The following N4BP2L2 variants were observed in gnomAD, a reference collection of about 807,000 sequenced individuals.
N4BP2L2 encodes NEDD4 binding protein 2 like 2.
Under a neutral mutation model 56.2 loss-of-function variants are expected in N4BP2L2, and 50 were observed. The ratio of observed to expected loss-of-function variants is 0.89; its 90% confidence interval spans 0.71 to 1.13. The LOEUF is 1.13. Among genes scored for constraint, N4BP2L2 ranks in the 50% most tolerant of loss-of-function variants. The pLI, the probability that N4BP2L2 is intolerant of heterozygous loss-of-function variation, is 0.00. For missense variants in N4BP2L2, 689 were observed against 693.8 expected (o/e 0.99, Z 0.08); for synonymous variants, 203 against 223.6 (o/e 0.91, Z 0.82).
chr13:32,469,091 C>T (rs1300290977), intron 6 of N4BP2L2, among the ~76,000 whole-genome samples: 1 of 152,226 alleles, frequency 6.6e-6, no homozygotes, highest in Non-Finnish European at 1.5e-5. Context: ...CTACGGTCCC[C>T]CGAGTGTTCT....
At chr13:32,443,699 G>C in exon 7 of N4BP2L2, 2 of 1,601,146 alleles carry the variant, frequency 1.2e-6, no homozygotes, top group Non-Finnish European at 8.5e-7. Flanking sequence ...GAAAGGTTTT[G>C]AGTCAGTATT....
chr13:32,529,883 G>A lies in N4BP2L2; in HGVS notation c.1260-2351C>T, dbSNP rs1047771194. 4.0e-5 allele frequency among the ~76,000 whole-genome samples: 6 copies of A among 151,700 alleles called. No individual in the cohort carries two copies. In the East Asian group the frequency reaches 9.7e-4, roughly 25 times the overall value. On this transcript the variant is annotated intron_variant, in intron 2 of 5. Transcript: ENST00000267068. ...TGTGACTACAGGCACGTGCCATCAC[G>A]CCCGGCTAATTTTTGTATTTTTATT...
intron 2 of N4BP2L2, among the ~76,000 whole-genome samples, chr13:32,533,587 T>A (rs1041221011): frequency 6.9e-6 from 1 of 145,352 alleles, no homozygotes; most frequent in African/African-American, 2.6e-5. Flanking sequence ...AATGGCACGA[T>A]CATGGCTCAC....
At chr13:32,482,690 A>G (rs2085019509) in intron 6 of N4BP2L2, among the ~76,000 whole-genome samples, 1 of 151,996 alleles carries the variant, frequency 6.6e-6, no homozygotes, top group African/African-American at 2.4e-5. Context: ...GTCATATTTC[A>G]TATAGTTTTC....
chr13:32,497,898 T>C (rs1314623074), intron 6 of N4BP2L2, among the ~76,000 whole-genome samples: 1 of 152,224 alleles, frequency 6.6e-6, no homozygotes, highest in Non-Finnish European at 1.5e-5. Flanking sequence ...TTCATACTGA[T>C]GCCAGTCCAT....
chr13:32,471,528 A>C lies in N4BP2L2; in HGVS notation c.366-27402T>G, dbSNP rs1020367061. ...GGCGCACCCGAAGAAAGACAGAGAG[A>C]GAGCCAGAGTTGTCCATCTTGTAGG... On this transcript the variant is annotated intron_variant, in intron 6 of 9. Coordinates refer to the N4BP2L2 transcript ENST00000357505. 3.3e-5 allele frequency among the ~76,000 whole-genome samples: 5 copies of C among 152,244 alleles called. No homozygotes were observed. In the South Asian group the frequency reaches 6.2e-4, roughly 19 times the overall value.
intron 6 of N4BP2L2, among the ~76,000 whole-genome samples, chr13:32,461,989 G>T (rs562059535): frequency 1.3e-5 from 2 of 152,310 alleles, no homozygotes; most frequent in South Asian, 2.1e-4. Context: ...ATACACTGTT[G>T]TTGGGAATGT....
intron 9 of N4BP2L2, among the ~76,000 whole-genome samples, chr13:32,434,144 T>TCAG (rs2138091665): frequency 6.7e-6 from 1 of 149,326 alleles, no homozygotes; most frequent in Non-Finnish European, 1.5e-5. Flanking sequence ...TGGTGCGATC[T>TCAG]CAGCTCACTG....
intron 6 of N4BP2L2, among the ~76,000 whole-genome samples, chr13:32,474,403 T>G (rs1331553895): frequency 1.3e-5 from 2 of 152,008 alleles, no homozygotes; most frequent in Non-Finnish European, 1.5e-5. Flanking sequence ...AGAAATGTAC[T>G]TAGCGGCCTA....
At chr13:32,472,507 AG>A (rs2082506262) in intron 6 of N4BP2L2, among the ~76,000 whole-genome samples, 1 of 152,220 alleles carries the variant, frequency 6.6e-6, no homozygotes, top group Non-Finnish European at 1.5e-5. Context: ...CAGCTGACCA[AG>A]GAAGGCACGT....
At chr13:32,521,205 G>A (rs181495306) in intron 5 of N4BP2L2, among the ~76,000 whole-genome samples, 168 bp downstream of exon 5, 3 of 152,060 alleles carry the variant, frequency 2.0e-5, no homozygotes, top group Non-Finnish European at 2.9e-5. Flanking sequence ...GAAGGCAGAA[G>A]GACAATGCAG....
At chr13:32,479,842 G>A (rs2084212842) in intron 6 of N4BP2L2, among the ~76,000 whole-genome samples, 1 of 151,926 alleles carries the variant, frequency 6.6e-6, no homozygotes, top group African/African-American at 2.4e-5. Context: ...AAGATCAACA[G>A]ACATATAACT....
intron 7 of N4BP2L2, among the ~76,000 whole-genome samples, chr13:32,441,999 C>G: frequency 6.6e-6 from 1 of 152,150 alleles, no homozygotes; most frequent in East Asian, 1.9e-4. Flanking sequence ...TGGCGTGAAC[C>G]CGGGAGGCGG....
chr13:32,488,286 C>T (rs759113364), intron 6 of N4BP2L2, among the ~76,000 whole-genome samples: 10 of 152,110 alleles, frequency 6.6e-5, no homozygotes, highest in Non-Finnish European at 1.3e-4. Flanking sequence ...AGGCCATAAT[C>T]CTAAACAAAT....
intron 6 of N4BP2L2, among the ~76,000 whole-genome samples, chr13:32,490,650 T>C (rs879821979): frequency 2.0e-5 from 3 of 152,148 alleles, no homozygotes; most frequent in African/African-American, 2.4e-5. Flanking sequence ...ACACAAGCAG[T>C]CCCCAACCTT....
At chr13:32,537,180 CTTA>C (rs576575656) in intron 1 of N4BP2L2, among the ~76,000 whole-genome samples, 153 bp from the exon 2 acceptor site, 84 of 151,934 alleles carry the variant, frequency 5.5e-4, no homozygotes, top group Non-Finnish European at 1.1e-3. Flanking sequence ...TTCATAACCA[CTTA>C]TTATTTAAGT....
chr13:32,480,735 T>C lies in N4BP2L2; in HGVS notation c.366-36609A>G, dbSNP rs17077591. Reference sequence around the variant, plus strand: ...AATCCACAACTGTGCTACTACTATTTTCATTTTATAGACTGAAGAACTCAT... The same window carrying C: ...AATCCACAACTGTGCTACTACTATTCTCATTTTATAGACTGAAGAACTCAT... On this transcript the variant is annotated intron_variant, in intron 6 of 9. Coordinates refer to the N4BP2L2 transcript ENST00000357505. The C allele has an allele frequency of 5.5e-3, 3,499 of 630,508 alleles. 93 individuals are homozygous for C. The African/African-American group carries it at 0.058, about 10-fold the overall frequency. 39.1% of individuals were successfully genotyped at this position (630,508 alleles called of 1,614,324 possible).
chr13:32,480,252 T>A (rs551001795), intron 6 of N4BP2L2, among the ~76,000 whole-genome samples: 1 of 152,312 alleles, frequency 6.6e-6, no homozygotes, highest in African/African-American at 2.4e-5. Context: ...GTCAACCTAC[T>A]ATTCTATATC....
At position 32,443,072 on chromosome 13, in the gene N4BP2L2, TC is replaced by T; in HGVS notation, c.1419del (p.Lys474ArgfsTer14). On this transcript the variant is annotated frameshift_variant, in exon 7 of 10. Transcript: ENST00000357505. LOFTEE classifies it high-confidence loss of function. ...GGTACCAAATTGAAAATCCTTTTCT[TC>T]CTCCTTTTCTTATTTTTTGTTGATT... 3 of 1,606,698 alleles carry T rather than the reference TC, an allele frequency of 1.9e-6. No individual in the cohort carries two copies. Among genetic ancestry groups the T allele is most frequent in the Non-Finnish European group, 2.5e-6 (3 of 1,178,136 alleles).
Sources: gnomAD v4.1 joint callset for allele counts (sites outside exome capture counted in the v4.1 genomes callset) on GRCh38, gnomAD v4.1.1 for gene constraint, MANE v1.5 for transcripts, NCBI Gene and HGNC (gene_info 2026-07-23, HGNC 2026-07-21) for gene names.